LRRTM3: variants seen among roughly 807,000 people sequenced by gnomAD.
LRRTM3 encodes the protein leucine-rich repeat transmembrane neuronal protein 3.
Under a neutral mutation model 44.7 loss-of-function variants are expected in LRRTM3, and 24 were observed. The ratio of observed to expected loss-of-function variants is 0.54; its 90% CI spans 0.39 to 0.76. LRRTM3 has a LOEUF of 0.76. Among genes scored for constraint, LRRTM3 ranks in the 30% least tolerant of loss-of-function variants. The pLI, the probability that LRRTM3 is intolerant of heterozygous loss-of-function variation, is 0.00. For synonymous variants in LRRTM3, 277 were observed against 278.7 expected (o/e 0.99, Z 0.06); for missense variants, 587 against 702.2 (o/e 0.84, Z 1.85).
chr10:66,985,667 C>G (rs1850687598), intron 2 of LRRTM3, among the ~76,000 whole-genome samples: 1 of 152,082 alleles, frequency 6.6e-6, no homozygotes, highest in Admixed American at 6.6e-5. Flanking sequence ...AAATGATCAT[C>G]AAGAACCCAA....
chr10:67,091,525 C>A (rs938186935), intron 2 of LRRTM3, among the ~76,000 whole-genome samples: 1 of 151,990 alleles, frequency 6.6e-6, no homozygotes, highest in African/African-American at 2.4e-5. Context: ...AAAGTATTTA[C>A]TATTTTCTAC....
At chr10:66,980,851 T>G (rs1307065382) in intron 2 of LRRTM3, among the ~76,000 whole-genome samples, 1 of 152,178 alleles carries the variant, frequency 6.6e-6, no homozygotes, top group Non-Finnish European at 1.5e-5. Flanking sequence ...ACACCAGAAC[T>G]TTCTTCTCAC....
At chr10:67,040,995 T>C (rs2133145905) in intron 2 of LRRTM3, among the ~76,000 whole-genome samples, 1 of 152,214 alleles carries the variant, frequency 6.6e-6, no homozygotes, top group East Asian at 1.9e-4. Flanking sequence ...TACTTTTTTT[T>C]AGATTTAGAA....
chr10:67,034,354 G>T (rs116837369), intron 2 of LRRTM3, among the ~76,000 whole-genome samples: 2,721 of 152,276 alleles, frequency 0.018, 78 homozygotes, highest in African/African-American at 0.061. Context: ...ACACTTGTAA[G>T]TGATGAGGAT....
intron 2 of LRRTM3, among the ~76,000 whole-genome samples, chr10:67,092,873 T>C (rs1240761101): frequency 1.3e-5 from 2 of 152,016 alleles, no homozygotes; most frequent in African/African-American, 4.8e-5. Flanking sequence ...GAATCGAAAT[T>C]ATTCCTAAGG....
intron 2 of LRRTM3, among the ~76,000 whole-genome samples, chr10:67,030,082 A>G (rs1420672397): frequency 6.6e-6 from 1 of 152,140 alleles, no homozygotes; most frequent in Non-Finnish European, 1.5e-5. Flanking sequence ...ATCATATAGA[A>G]GGTGTATTTT....
At chr10:67,045,723 G>T (rs527980343) in intron 2 of LRRTM3, among the ~76,000 whole-genome samples, 1 of 152,286 alleles carries the variant, frequency 6.6e-6, no homozygotes, top group South Asian at 2.1e-4. Context: ...CGACATCCGA[G>T]ACCAGCCAAG....
intron 2 of LRRTM3, among the ~76,000 whole-genome samples, chr10:66,991,701 A>C (rs1851048109): frequency 6.6e-6 from 1 of 152,106 alleles, no homozygotes; most frequent in Admixed American, 6.6e-5. Context: ...AGAGGCATGC[A>C]CCAGAAAACA....
At chr10:67,092,401 T>C (rs1857702453) in intron 2 of LRRTM3, among the ~76,000 whole-genome samples, 1 of 151,980 alleles carries the variant, frequency 6.6e-6, no homozygotes, top group African/African-American at 2.4e-5. Flanking sequence ...GCCTTTTTGT[T>C]ATTCCTTCAC....
chr10:66,927,951 G>A lies in LRRTM3; in HGVS notation c.1035G>A (p.Glu345=), dbSNP rs770259449. ...CAATTATCTGTGCCAGTCCCAAAGA[G>A]CTGCAAGGAGTAAATGTGATCGATG... ...ENTIICASPK[E]LQGVNVIDAV... is the part of the protein sequence containing the mutation. The change falls in exon 2 of 3, where the codon GAG becomes GAA. Residue 345 remains glutamate, a synonymous_variant. Transcript: ENST00000361320. The surrounding 1 kb of genome is among the most constrained non-coding windows in gnomAD (Gnocchi z 4.7). The A allele has an allele frequency of 1.7e-5, 28 of 1,614,120 alleles. No individual in the cohort carries two copies. In the Admixed American group the frequency reaches 4.0e-4, roughly 23 times the overall value.
At chr10:66,972,627 A>T (rs1282759042) in intron 2 of LRRTM3, among the ~76,000 whole-genome samples, 1 of 152,058 alleles carries the variant, frequency 6.6e-6, no homozygotes, top group Non-Finnish European at 1.5e-5. Context: ...TTTTCTAAGT[A>T]AGACATGAAC....
At chr10:67,076,752 C>G (rs141675716) in intron 2 of LRRTM3, among the ~76,000 whole-genome samples, 110 of 152,212 alleles carry the variant, frequency 7.2e-4, no homozygotes, top group African/African-American at 2.6e-3. Context: ...AAAAATACTA[C>G]AACATAAACT....
chr10:67,062,712 C>T (rs1925585), intron 2 of LRRTM3, among the ~76,000 whole-genome samples: 7,476 of 152,210 alleles, frequency 0.049, 261 homozygotes, highest in Middle Eastern at 0.075. Context: ...CCCTGCATTG[C>T]CTGGAAGCTA....
At chr10:67,016,767 C>T (rs955505517) in intron 2 of LRRTM3, among the ~76,000 whole-genome samples, 1 of 152,126 alleles carries the variant, frequency 6.6e-6, no homozygotes, top group African/African-American at 2.4e-5. Context: ...AGTTGTGAGG[C>T]TTCCTTGCTT....
chr10:66,967,048 T>C (rs1228863651), intron 2 of LRRTM3, among the ~76,000 whole-genome samples: 1 of 152,046 alleles, frequency 6.6e-6, no homozygotes, highest in Non-Finnish European at 1.5e-5. Flanking sequence ...ATATTAAGTA[T>C]AACATAGAAC....
intron 2 of LRRTM3, among the ~76,000 whole-genome samples, chr10:67,066,338 G>A (rs1055522883): frequency 5.9e-5 from 9 of 151,714 alleles, no homozygotes; most frequent in African/African-American, 2.2e-4. Flanking sequence ...GACTACAGGT[G>A]TGCGCCACCA....
In LRRTM3 at chr10:66,948,280, A is replaced by G. The variant is rs139731571; in HGVS notation, c.1536+19828A>G. Reference sequence around the variant, plus strand: ...TTGAGGCATCGTATAACATAGTACCATGTACAAAGAAAGTTTTAATAAAGC... The same window carrying G: ...TTGAGGCATCGTATAACATAGTACCGTGTACAAAGAAAGTTTTAATAAAGC... On this transcript the variant is annotated intron_variant, in intron 2 of 2. Coordinates refer to ENST00000361320, the MANE Select transcript of LRRTM3 (RefSeq NM_178011.5). 2.7e-3 allele frequency among the ~76,000 whole-genome samples: 408 copies of G among 152,326 alleles called. 2 individuals are homozygous for G. Among genetic ancestry groups the G allele is most frequent in the African/African-American group, 9.4e-3 (392 of 41,590 alleles).
chr10:67,078,798 G>T (rs1407115592), intron 2 of LRRTM3, among the ~76,000 whole-genome samples: 9 of 152,252 alleles, frequency 5.9e-5, no homozygotes, highest in Middle Eastern at 3.4e-3. Context: ...TTACAGATGT[G>T]AGCCACCGCA....
intron 2 of LRRTM3, among the ~76,000 whole-genome samples, chr10:66,993,874 T>C (rs1257611565): frequency 1.3e-5 from 2 of 152,180 alleles, no homozygotes; most frequent in East Asian, 3.9e-4. Flanking sequence ...TCTTATCCGA[T>C]TTATTCTTAG....
Sources: gnomAD v4.1 joint callset for allele counts (sites outside exome capture counted in the v4.1 genomes callset) on GRCh38, gnomAD v4.1.1 for gene constraint, Gnocchi (gnomAD v3.1) non-coding constraint, MANE v1.5 for transcripts, NCBI Gene and HGNC (gene_info 2026-07-23, HGNC 2026-07-21) for gene names.